FBXL17: variants seen among roughly 807,000 people sequenced by gnomAD.
FBXL17 encodes F-box/LRR-repeat protein 17.
In FBXL17, 22 loss-of-function variants were observed where a neutral mutation model predicts 66.2. That is an observed-to-expected ratio of 0.33 (90% CI 0.24 to 0.47). The LOEUF (loss-of-function observed/expected upper bound fraction) is 0.47, where lower values mean the gene tolerates loss of function less well. FBXL17 is among the 20% of genes least tolerant of loss of function. FBXL17 has a pLI of 1.00. For synonymous variants in FBXL17, 474 were observed against 400.5 expected (o/e 1.18, Z -2.19); for missense variants, 878 against 948.2 (o/e 0.93, Z 0.97).
intron 6 of FBXL17, among the ~76,000 whole-genome samples, chr5:108,162,527 A>G (rs1000433646): frequency 1.3e-5 from 2 of 152,172 alleles, no homozygotes; most frequent in South Asian, 4.1e-4. Flanking sequence ...AATCTGGTAA[A>G]TGAATTAATG....
At chr5:107,906,243 T>C (rs1276135230) in intron 7 of FBXL17, among the ~76,000 whole-genome samples, 1 of 152,148 alleles carries the variant, frequency 6.6e-6, no homozygotes, top group African/African-American at 2.4e-5. Flanking sequence ...GTTATGTTTA[T>C]ATGTATATGC....
rs995294614 is a variant in FBXL17, at chr5:108,354,444, G to A, written c.1375-5914C>T. On this transcript the variant is annotated intron_variant, in intron 3 of 8. Coordinates refer to ENST00000542267, the MANE Select transcript of FBXL17 (RefSeq NM_001163315.3). ...TAGAAAGTTCCAAAACTGAAAATCA[G>A]GAGAAAAAAGACTGAAAAAAAATGA... Among the ~76,000 whole-genome samples, 5 of 151,406 alleles carry A rather than the reference G, an allele frequency of 3.3e-5. No individual in the cohort carries two copies. In the South Asian group the frequency reaches 8.3e-4, roughly 25 times the overall value.
chr5:108,080,870 C>T (rs1040061542), intron 6 of FBXL17, among the ~76,000 whole-genome samples: 1 of 152,104 alleles, frequency 6.6e-6, no homozygotes, highest in African/African-American at 2.4e-5. Flanking sequence ...TAGCAGGTTT[C>T]AGAGAAAATA....
At chr5:107,906,802 G>A (rs367943891) in intron 7 of FBXL17, among the ~76,000 whole-genome samples, 27 of 152,232 alleles carry the variant, frequency 1.8e-4, no homozygotes, top group Admixed American at 7.9e-4. Context: ...GTGGAATACC[G>A]TTTCATTTAA....
intron 7 of FBXL17, among the ~76,000 whole-genome samples, chr5:108,002,926 A>G (rs551205565): frequency 4.4e-4 from 67 of 152,356 alleles, no homozygotes; most frequent in Admixed American, 1.5e-3. Flanking sequence ...TTAACTGTAA[A>G]CAGAGAAGAG....
chr5:108,266,511 C>T (rs904284352), intron 4 of FBXL17, among the ~76,000 whole-genome samples: 2 of 152,054 alleles, frequency 1.3e-5, no homozygotes, highest in African/African-American at 2.4e-5. Context: ...TATTGCAGTG[C>T]TTATGTTGAA....
At chr5:108,285,080 C>T (rs777988842) in intron 4 of FBXL17, among the ~76,000 whole-genome samples, 10 of 151,880 alleles carry the variant, frequency 6.6e-5, no homozygotes, top group South Asian at 4.1e-4. Flanking sequence ...GCATCTTCAC[C>T]GGTAGATTCC....
Position 108,099,016 on chromosome 5 carries a change from T to A in FBXL17, c.1746-78015A>T, listed in dbSNP as rs572825667. Among the ~76,000 whole-genome samples, 5 of 151,910 alleles carry A rather than the reference T, an allele frequency of 3.3e-5. No individual in the cohort carries two copies. The East Asian group carries it at 9.7e-4, about 29-fold the overall frequency. ...AAAGTAGCAATAGATAAGAGCAGAG[T>A]CATTAAAGACTCATCCTGCTTACTC... is the stretch of plus-strand genomic sequence containing the variant. On this transcript the variant is annotated intron_variant, in intron 6 of 8. Transcript: ENST00000542267.
At chr5:108,241,086 A>G (rs1755835131) in intron 4 of FBXL17, among the ~76,000 whole-genome samples, 1 of 152,208 alleles carries the variant, frequency 6.6e-6, no homozygotes, top group Non-Finnish European at 1.5e-5. Flanking sequence ...TAATGCCCAG[A>G]CACCAATGAA....
intron 6 of FBXL17, among the ~76,000 whole-genome samples, chr5:108,115,142 T>A (rs1322587884): frequency 6.6e-6 from 1 of 152,110 alleles, no homozygotes; most frequent in East Asian, 1.9e-4. Context: ...ATTGTCCAAG[T>A]GCAATAAACT....
intron 6 of FBXL17, among the ~76,000 whole-genome samples, chr5:108,111,608 A>G (rs1292556887): frequency 6.6e-6 from 1 of 152,224 alleles, no homozygotes; most frequent in Non-Finnish European, 1.5e-5. Context: ...ACATCCTGCA[A>G]ACACAAAGTT....
At chr5:108,338,007 A>T (rs1746623412) in intron 4 of FBXL17, among the ~76,000 whole-genome samples, 2 of 152,114 alleles carry the variant, frequency 1.3e-5, no homozygotes, top group African/African-American at 4.8e-5. Context: ...GCCTACAATT[A>T]TATATGATAA....
intron 6 of FBXL17, among the ~76,000 whole-genome samples, chr5:108,116,682 A>G (rs933125766): frequency 2.0e-5 from 3 of 151,682 alleles, no homozygotes; most frequent in African/African-American, 7.3e-5. Flanking sequence ...TAATAATAAA[A>G]CAAGTTAATA....
intron 6 of FBXL17, among the ~76,000 whole-genome samples, chr5:108,094,647 T>C (rs553282302): frequency 6.6e-6 from 1 of 152,282 alleles, no homozygotes; most frequent in South Asian, 2.1e-4. Context: ...GTTCCTACTA[T>C]TTTATGAAAG....
intron 6 of FBXL17, among the ~76,000 whole-genome samples, chr5:108,025,444 A>G (rs1754764226): frequency 6.6e-6 from 1 of 152,198 alleles, no homozygotes; most frequent in Non-Finnish European, 1.5e-5. Context: ...ACAAAGAACT[A>G]TGAAGAGTGT....
intron 7 of FBXL17, among the ~76,000 whole-genome samples, chr5:107,947,521 C>T (rs538491355): frequency 1.3e-5 from 2 of 152,328 alleles, no homozygotes; most frequent in East Asian, 3.9e-4. Flanking sequence ...CTCTTTTCCC[C>T]CTTTTCTCAC....
intron 7 of FBXL17, among the ~76,000 whole-genome samples, chr5:108,007,042 C>T (rs1156760224): frequency 6.6e-6 from 1 of 152,166 alleles, no homozygotes; most frequent in Non-Finnish European, 1.5e-5. Flanking sequence ...TGCCAGATTG[C>T]AGGGAACGCT....
At chr5:108,305,206 T>C (rs903443419) in intron 4 of FBXL17, among the ~76,000 whole-genome samples, 2 of 151,990 alleles carry the variant, frequency 1.3e-5, no homozygotes, top group Non-Finnish European at 2.9e-5. Context: ...AGTAAGGACA[T>C]AGTAGAAGTC....
chr5:108,363,687 C>A (rs986476923), intron 3 of FBXL17, among the ~76,000 whole-genome samples: 3 of 151,978 alleles, frequency 2.0e-5, no homozygotes, highest in Middle Eastern at 3.4e-3. Flanking sequence ...TTCTTTTTCA[C>A]AAAAATTACT....
Sources: allele counts gnomAD v4.1 joint callset (sites outside exome capture counted in the v4.1 genomes callset), GRCh38; gene constraint gnomAD v4.1.1; transcripts MANE v1.5; gene names NCBI Gene and HGNC (gene_info 2026-07-23, HGNC 2026-07-21).